Variants in TAMM41 observed in about 807,000 individuals in gnomAD.
The protein encoded by TAMM41 is phosphatidate cytidylyltransferase, mitochondrial.
A neutral mutation model predicts 44.1 loss-of-function variants in TAMM41; 36 were observed. That is an observed-to-expected ratio of 0.82 (90% CI 0.63 to 1.08). The LOEUF is 1.08. TAMM41 is among the 50% of genes least tolerant of loss of function. The probability of loss-of-function intolerance (pLI) is 0.00; values close to 1 mark genes in which losing one functional copy is unlikely to be tolerated. For missense variants in TAMM41, 417 were observed against 404.3 expected, an observed-to-expected ratio of 1.03 and a Z score of -0.27; for synonymous variants, 164 against 153.1, an observed-to-expected ratio of 1.07 and a Z score of -0.53.
chr3:11,767,844 C>G, the TAMM41 span, among the ~76,000 whole-genome samples: 1 of 150,862 alleles, frequency 6.6e-6, no homozygotes, highest in Non-Finnish European at 1.5e-5. Flanking sequence ...AGGCTGGCCT[C>G]GAACTCCTGA....
At chr3:11,793,140 A>G (rs1277115536) in intron 7 of TAMM41, among the ~76,000 whole-genome samples, 1 of 152,042 alleles carries the variant, frequency 6.6e-6, no homozygotes, top group Non-Finnish European at 1.5e-5. Context: ...TGTATCCAAC[A>G]ATGGAGTTGT....
chr3:11,777,284 G>A, the TAMM41 span, among the ~76,000 whole-genome samples: 8 of 151,794 alleles, frequency 5.3e-5, no homozygotes, highest in East Asian at 1.9e-4. Context: ...CAATAAAGCC[G>A]GAAGAGGAAA....
chr3:11,784,180 G>A, the TAMM41 span, among the ~76,000 whole-genome samples: 381 of 152,296 alleles, frequency 2.5e-3, 3 homozygotes, highest in Non-Finnish European at 3.6e-3. Flanking sequence ...GGAGAAAGAT[G>A]CCGTATCTAC....
At chr3:11,776,159 G>A in the TAMM41 span, among the ~76,000 whole-genome samples, 5 of 151,092 alleles carry the variant, frequency 3.3e-5, no homozygotes, top group Non-Finnish European at 7.4e-5. Flanking sequence ...GACTACAGGC[G>A]CCCGCCACCA....
intron 4 of TAMM41, 71 bp from the exon 5 acceptor site, chr3:11,817,408 C>G: frequency 6.7e-7 from 1 of 1,494,658 alleles, no homozygotes; most frequent in Non-Finnish European, 9.1e-7. Flanking sequence ...ACGACGCTCC[C>G]CACACTGATA....
At chr3:11,808,568 G>A (rs1293020768) in intron 6 of TAMM41, 2 of 985,338 alleles carry the variant, frequency 2.0e-6, no homozygotes, top group Non-Finnish European at 2.4e-6. Context: ...ACGCGGAGGA[G>A]CTCAGTAAAT....
At chr3:11,828,700 G>C (rs906759485) in intron 4 of TAMM41, among the ~76,000 whole-genome samples, 3 of 152,198 alleles carry the variant, frequency 2.0e-5, no homozygotes, top group African/African-American at 7.2e-5. Flanking sequence ...CAGAGACCAA[G>C]GTTGCTTCAA....
chr3:11,729,129 C>G, the TAMM41 span, among the ~76,000 whole-genome samples: 1 of 152,114 alleles, frequency 6.6e-6, no homozygotes, highest in East Asian at 1.9e-4. Flanking sequence ...AATTTATGGC[C>G]AGAAGGATTG....
chr3:11,813,888 ATGTGTATATATGTATATATG>A (rs1306838230), intron 5 of TAMM41, among the ~76,000 whole-genome samples: 21 of 149,914 alleles, frequency 1.4e-4, no homozygotes, highest in Non-Finnish European at 2.5e-4. Flanking sequence ...ATATGTATAT[ATGTGTATATATGTATATATG>A]TGTGTATATA....
At chr3:11,751,545 T>A in the TAMM41 span, among the ~76,000 whole-genome samples, 1 of 152,146 alleles carries the variant, frequency 6.6e-6, no homozygotes, top group African/African-American at 2.4e-5. Flanking sequence ...CCGAACCTCA[T>A]GGTTGAGAAT....
the TAMM41 span, among the ~76,000 whole-genome samples, chr3:11,745,551 A>G: frequency 6.6e-6 from 1 of 152,240 alleles, no homozygotes; most frequent in African/African-American, 2.4e-5. Flanking sequence ...TGAGGACATT[A>G]TGCTAAGTGA....
At chr3:11,773,375 T>G in the TAMM41 span, among the ~76,000 whole-genome samples, 3 of 151,998 alleles carry the variant, frequency 2.0e-5, no homozygotes, top group East Asian at 5.8e-4. Flanking sequence ...TCTCCCAACA[T>G]TTTTAATTTT....
At chr3:11,760,190 G>C in the TAMM41 span, among the ~76,000 whole-genome samples, 1 of 152,208 alleles carries the variant, frequency 6.6e-6, no homozygotes, top group South Asian at 2.1e-4. Flanking sequence ...GCAAGCAATT[G>C]CCTATGCTTC....
In TAMM41 at chr3:11,844,003, TAAGACA is replaced by T; in HGVS notation, c.318+20_318+25del. Reference sequence around the variant, plus strand: ...AACCCAGGTAAATAACCAGCCAAGTTAAGACAAAGGCCAGCAGTCACTTACCCTACC... The same window carrying T: ...AACCCAGGTAAATAACCAGCCAAGTTAAGGCCAGCAGTCACTTACCCTACC... On this transcript the variant is annotated intron_variant, in intron 2 of 7. Coordinates refer to ENST00000455809, the MANE Select transcript of TAMM41 (RefSeq NM_001284401.2). 6.2e-7 allele frequency: 1 copy of T among 1,607,424 alleles called. No individual in the cohort carries two copies. Among genetic ancestry groups the T allele is most frequent in the East Asian group, 2.2e-5 (1 of 44,800 alleles).
chr3:11,791,500 G>T (rs2077476509), intron 7 of TAMM41, among the ~76,000 whole-genome samples: 1 of 152,196 alleles, frequency 6.6e-6, no homozygotes, highest in South Asian at 2.1e-4. Flanking sequence ...TTCAGTTTGT[G>T]TTTCAGGGTG....
the TAMM41 span, among the ~76,000 whole-genome samples, chr3:11,751,089 C>CTTTTT: frequency 1.2e-4 from 15 of 130,262 alleles, no homozygotes; most frequent in East Asian, 4.6e-4. Flanking sequence ...ACAGATGATA[C>CTTTTT]TTTTTTTTTT....
chr3:11,727,779 T>TC, the TAMM41 span, among the ~76,000 whole-genome samples: 1 of 150,202 alleles, frequency 6.7e-6, no homozygotes, highest in Non-Finnish European at 1.5e-5. Context: ...TCTTTTTTTT[T>TC]CTAATTTAAT....
At chr3:11,728,532 T>C in the TAMM41 span, among the ~76,000 whole-genome samples, 1 of 152,234 alleles carries the variant, frequency 6.6e-6, no homozygotes, top group Admixed American at 6.5e-5. Flanking sequence ...ATCCTCTTCC[T>C]TTCTTTCTTG....
chr3:11,797,639 G>A (rs1322668907), intron 7 of TAMM41, among the ~76,000 whole-genome samples: 1 of 152,078 alleles, frequency 6.6e-6, no homozygotes, highest in East Asian at 1.9e-4. Flanking sequence ...ATTTTAAATG[G>A]GATCTAATTA....
Sources: gnomAD v4.1 joint callset for allele counts (sites outside exome capture counted in the v4.1 genomes callset) on GRCh38, gnomAD v4.1.1 for gene constraint, MANE v1.5 for transcripts, NCBI Gene and HGNC (gene_info 2026-07-23, HGNC 2026-07-21) for gene names.